Variants in EBF1 observed in about 807,000 individuals in gnomAD.
EBF1 encodes the protein transcription factor COE1.
A neutral mutation model predicts 68.4 loss-of-function variants in EBF1; 10 were observed. The observed-to-expected ratio is 0.15, with a 90% confidence interval of 0.09 to 0.25. The LOEUF is 0.25. EBF1 is among the 10% of genes least tolerant of loss of function. The pLI is 1.00. For synonymous variants in EBF1, 298 were observed against 299.8 expected, an observed-to-expected ratio of 0.99 and a Z score of 0.06; for missense variants, 509 against 794.4, an observed-to-expected ratio of 0.64 and a Z score of 4.32.
At chr5:159,050,296 C>CTCTG (rs1468234752) in intron 6 of EBF1, among the ~76,000 whole-genome samples, 4 of 151,504 alleles carry the variant, frequency 2.6e-5, no homozygotes, top group Non-Finnish European at 5.9e-5. Flanking sequence ...GTATCTATGA[C>CTCTG]TCTGTATCCC....
intron 6 of EBF1, among the ~76,000 whole-genome samples, chr5:158,870,096 G>A (rs1796625169): frequency 6.6e-6 from 1 of 152,146 alleles, no homozygotes; most frequent in Admixed American, 6.5e-5. Context: ...ACATTGGCAA[G>A]GACTAGATTT....
chr5:158,891,092 T>C lies in EBF1; in HGVS notation c.555-50982A>G, dbSNP rs556750000. Among the ~76,000 whole-genome samples, 34 of 152,352 alleles carry C rather than the reference T, an allele frequency of 2.2e-4. No individual in the cohort carries two copies. The South Asian group carries it at 6.6e-3, about 30-fold the overall frequency. ...CAGGTTATCCTGAAGTGAGGAGGTA[T>C]TGAAGTTCACGATTTCCCACGGTAC... On this transcript the variant is annotated intron_variant, in intron 6 of 15. Transcript: ENST00000313708.
At chr5:158,804,474 G>C (rs1781207741) in intron 8 of EBF1, among the ~76,000 whole-genome samples, 1 of 152,102 alleles carries the variant, frequency 6.6e-6, no homozygotes, top group Non-Finnish European at 1.5e-5. Context: ...AAACATTCCA[G>C]GGCAAGCGCT....
intron 7 of EBF1, among the ~76,000 whole-genome samples, chr5:158,825,135 C>A (rs1372052890): frequency 6.6e-6 from 1 of 152,142 alleles, no homozygotes; most frequent in Non-Finnish European, 1.5e-5. Flanking sequence ...CCAACCAGAT[C>A]TGACACAGCC....
intron 9 of EBF1, among the ~76,000 whole-genome samples, chr5:158,793,485 T>G (rs1179286266): frequency 6.6e-6 from 1 of 152,046 alleles, no homozygotes; most frequent in Admixed American, 6.5e-5. Flanking sequence ...TGAAACCTCA[T>G]TTTTTTTCTT....
chr5:158,885,618 C>T (rs1799891011), intron 6 of EBF1, among the ~76,000 whole-genome samples: 1 of 152,196 alleles, frequency 6.6e-6, no homozygotes, highest in African/African-American at 2.4e-5. Flanking sequence ...GGGCCAGGCA[C>T]TCCACTACCA....
At chr5:158,722,640 G>T (rs1762165137) in intron 11 of EBF1, among the ~76,000 whole-genome samples, 1 of 152,216 alleles carries the variant, frequency 6.6e-6, no homozygotes, top group African/African-American at 2.4e-5. Context: ...TGTTGAGCAT[G>T]AACATCATCG....
intron 6 of EBF1, among the ~76,000 whole-genome samples, chr5:158,902,990 C>A (rs1204199592): frequency 6.6e-6 from 1 of 152,252 alleles, no homozygotes; most frequent in South Asian, 2.1e-4. Flanking sequence ...CTAGCAGGCA[C>A]AAAAGATTTT....
chr5:158,846,605 GCAGGC>G (rs1447617276), intron 6 of EBF1, among the ~76,000 whole-genome samples: 2 of 152,178 alleles, frequency 1.3e-5, no homozygotes, highest in Non-Finnish European at 2.9e-5. Flanking sequence ...TTGCAACAGA[GCAGGC>G]CAAAACAGTG....
intron 10 of EBF1, among the ~76,000 whole-genome samples, chr5:158,759,803 G>A (rs1561846267): frequency 6.6e-6 from 1 of 151,954 alleles, no homozygotes; most frequent in Non-Finnish European, 1.5e-5. Context: ...CTGGAATACA[G>A]GTGTCTTGGG....
At chr5:159,078,685 G>A (rs1045562675) in intron 5 of EBF1, among the ~76,000 whole-genome samples, 2 of 152,304 alleles carry the variant, frequency 1.3e-5, no homozygotes, top group African/African-American at 2.4e-5. Flanking sequence ...CAACCCCAGT[G>A]ACATGAGAAC....
intron 6 of EBF1, among the ~76,000 whole-genome samples, chr5:158,928,998 T>A (rs964657653): frequency 6.6e-6 from 1 of 152,200 alleles, no homozygotes; most frequent in Non-Finnish European, 1.5e-5. Flanking sequence ...AATCTTTTTT[T>A]AAAAATCAAG....
At chr5:158,925,257 T>C (rs1250896160) in intron 6 of EBF1, among the ~76,000 whole-genome samples, 1 of 152,226 alleles carries the variant, frequency 6.6e-6, no homozygotes, top group African/African-American at 2.4e-5. Context: ...ACAGCACATA[T>C]CACTTTTATC....
chr5:158,709,008 C>T (rs567137994), intron 14 of EBF1, among the ~76,000 whole-genome samples: 8 of 152,266 alleles, frequency 5.3e-5, no homozygotes, highest in African/African-American at 1.4e-4. Flanking sequence ...TGAAAGAGCT[C>T]GGTAGACGTA....
At chr5:158,973,665 A>G (rs183101942) in intron 6 of EBF1, among the ~76,000 whole-genome samples, 88 of 152,322 alleles carry the variant, frequency 5.8e-4, no homozygotes, top group Non-Finnish European at 1.0e-3. Flanking sequence ...CCCTATTATC[A>G]TTATACCCCC....
chr5:158,847,175 C>T (rs1022740250), intron 6 of EBF1, among the ~76,000 whole-genome samples: 10 of 152,160 alleles, frequency 6.6e-5, no homozygotes, highest in Admixed American at 1.3e-4. Context: ...GCATTCATTA[C>T]CTCAGAGCTC....
chr5:159,074,755 G>A (rs1584439344), intron 5 of EBF1, among the ~76,000 whole-genome samples: 1 of 152,302 alleles, frequency 6.6e-6, no homozygotes, highest in East Asian at 1.9e-4. Context: ...GTAAGAGTAA[G>A]AACTGTATCT....
rs112828735 is a variant in EBF1 at position 159,025,206 on chromosome 5, G to T, written c.554+48190C>A. Among the ~76,000 whole-genome samples, 1,455 of 152,288 alleles carry T rather than the reference G, an allele frequency of 9.6e-3. 22 individuals carry two copies. The highest frequency in any genetic ancestry group is 0.033 in the African/African-American group (1,388 of 41,548). On this transcript the variant is annotated intron_variant, in intron 6 of 15. Transcript: ENST00000313708. ...GAAAGTGAATCACCTCCTTGGTGTG[G>T]TGGTTTATAACTGCCTTTCTTTGAC...
chr5:158,959,751 C>G (rs1157464482), intron 6 of EBF1, among the ~76,000 whole-genome samples: 2 of 152,018 alleles, frequency 1.3e-5, no homozygotes, highest in Admixed American at 1.3e-4. Flanking sequence ...CATTACTCAA[C>G]TTTCTAAAGA....
Sources: allele counts gnomAD v4.1 joint callset (sites outside exome capture counted in the v4.1 genomes callset), GRCh38; gene constraint gnomAD v4.1.1; transcripts MANE v1.5; gene names NCBI Gene and HGNC (gene_info 2026-07-23, HGNC 2026-07-21).